ADGRV1: variants seen among roughly 807,000 people sequenced by gnomAD.
ADGRV1 encodes adhesion G protein-coupled receptor V1.
In ADGRV1, 359 loss-of-function variants were observed where a neutral mutation model predicts 596.2. That is an observed-to-expected ratio of 0.60 (90% CI 0.55 to 0.66). The LOEUF is 0.66. Among genes scored for constraint, ADGRV1 ranks in the 30% least tolerant of loss-of-function variants. The pLI is 0.00. For synonymous variants in ADGRV1, 2,681 were observed against 2,679.2 expected, an observed-to-expected ratio of 1.00 and a Z score of -0.02; for missense variants, 7,274 against 7,575.6, an observed-to-expected ratio of 0.96 and a Z score of 1.48.
intron 82 of ADGRV1, among the ~76,000 whole-genome samples, chr5:90,861,334 G>T (rs950612436): frequency 2.0e-5 from 3 of 151,446 alleles, no homozygotes; most frequent in African/African-American, 4.9e-5. Flanking sequence ...TTTGGAGGCA[G>T]AGTCTTGCTC....
At chr5:90,986,917 G>A (rs1780543441) in intron 85 of ADGRV1, among the ~76,000 whole-genome samples, 1 of 152,064 alleles carries the variant, frequency 6.6e-6, no homozygotes, top group Non-Finnish European at 1.5e-5. Flanking sequence ...TGGCAAGACA[G>A]GACTTATTTA....
chr5:90,802,777 G>A lies in ADGRV1; in HGVS notation c.14556G>A (p.Leu4852=), dbSNP rs1359424045. The A allele has an allele frequency of 1.2e-6, 2 of 1,612,878 alleles. No homozygotes were observed. The highest frequency in any genetic ancestry group is 1.7e-6 in the Non-Finnish European group (2 of 1,179,456). Residue 4852 remains leucine, a synonymous_variant, in exon 71 of 90, where the codon CTG becomes CTA. Transcript: ENST00000405460. Reference sequence around the variant, plus strand: ...TGGGCTCTAATTTCACTTTGCAACTGGTGACTGTGATGCTTGTCGGTGGAC... The same window carrying A: ...TGGGCTCTAATTTCACTTTGCAACTAGTGACTGTGATGCTTGTCGGTGGAC... ...LSLGSNFTLQ[L]VTVMLVGGRF... is the part of the protein sequence containing the mutation.
At chr5:90,863,103 G>A (rs1450595898) in intron 82 of ADGRV1, among the ~76,000 whole-genome samples, 1 of 152,088 alleles carries the variant, frequency 6.6e-6, no homozygotes, top group Admixed American at 6.6e-5. Context: ...AAAGCAAATA[G>A]GTTATCATAT....
chr5:91,010,747 CTG>C (rs1265290957), intron 85 of ADGRV1, among the ~76,000 whole-genome samples: 2 of 151,844 alleles, frequency 1.3e-5, no homozygotes, highest in Non-Finnish European at 2.9e-5. Flanking sequence ...TTCATTTAAA[CTG>C]TATTGATCTT....
chr5:90,787,871 G>A (rs750505747), intron 67 of ADGRV1, among the ~76,000 whole-genome samples, 200 bp from the exon 68 acceptor site: 7 of 151,754 alleles, frequency 4.6e-5, no homozygotes, highest in Non-Finnish European at 1.0e-4. Context: ...GATCACAGGC[G>A]TGAGCCACCA....
At chr5:90,646,569 C>G (rs1454960759) in intron 16 of ADGRV1, among the ~76,000 whole-genome samples, 3 of 152,004 alleles carry the variant, frequency 2.0e-5, no homozygotes, top group Admixed American at 2.0e-4. Flanking sequence ...ATTAAAATTT[C>G]TTCGTTTTGC....
chr5:90,678,155 T>C (rs970495827), intron 25 of ADGRV1, among the ~76,000 whole-genome samples: 1 of 152,218 alleles, frequency 6.6e-6, no homozygotes, highest in Non-Finnish European at 1.5e-5. Context: ...TACATTCTCA[T>C]GTCTGGTATA....
intron 24 of ADGRV1, 68 bp downstream of exon 24, chr5:90,675,513 G>C (rs1166925275): frequency 1.4e-6 from 2 of 1,387,582 alleles, no homozygotes; most frequent in East Asian, 2.4e-5. Context: ...TCTCTGGAAG[G>C]GATATACACT....
intron 85 of ADGRV1, among the ~76,000 whole-genome samples, chr5:90,986,289 G>T (rs958998731): frequency 2.6e-5 from 4 of 151,602 alleles, no homozygotes; most frequent in Non-Finnish European, 4.4e-5. Context: ...AGAAAAAATA[G>T]CCTATTCACA....
At chr5:90,680,245 G>C (rs1486629562) in intron 26 of ADGRV1, among the ~76,000 whole-genome samples, 1 of 152,010 alleles carries the variant, frequency 6.6e-6, no homozygotes, top group East Asian at 1.9e-4. Context: ...AGCTATTCAG[G>C]AGGCTGAGGC....
intron 10 of ADGRV1, among the ~76,000 whole-genome samples, chr5:90,637,507 A>T (rs1350494793): frequency 2.0e-5 from 3 of 152,154 alleles, no homozygotes; most frequent in African/African-American, 7.2e-5. Flanking sequence ...TTGTATATAA[A>T]TTTGATTAGC....
chr5:90,666,526 T>C (rs1018200676), intron 21 of ADGRV1, among the ~76,000 whole-genome samples: 1 of 140,524 alleles, frequency 7.1e-6, no homozygotes, highest in African/African-American at 2.7e-5. Flanking sequence ...GTGAGATGGG[T>C]TTCCTGAATA....
intron 50 of ADGRV1, among the ~76,000 whole-genome samples, chr5:90,733,277 A>T (rs1246856743): frequency 6.6e-6 from 1 of 152,166 alleles, no homozygotes; most frequent in Non-Finnish European, 1.5e-5. Context: ...GACACAGAAA[A>T]TGTCTGTAGT....
intron 87 of ADGRV1, among the ~76,000 whole-genome samples, chr5:91,114,549 G>A (rs1015123165): frequency 1.3e-5 from 2 of 152,032 alleles, no homozygotes; most frequent in African/African-American, 4.8e-5. Flanking sequence ...AGGAGGGAGG[G>A]AGGGAGGAAG....
At position 90,627,490 on chromosome 5, in the gene ADGRV1, C is replaced by CA. The variant is rs752179149; in HGVS notation, c.956dup (p.Asn319LysfsTer6). The CA allele has an allele frequency of 2.4e-5, 38 of 1,613,846 alleles. No homozygotes were observed. The highest frequency in any genetic ancestry group is 3.1e-5 in the Non-Finnish European group (36 of 1,179,856). On this transcript the variant is annotated frameshift_variant, in exon 7 of 90. Coordinates refer to ENST00000405460, the MANE Select transcript of ADGRV1 (RefSeq NM_032119.4). LOFTEE classifies it high-confidence loss of function. ...TGGGAATTCCACAGCACATGCCCAGCAAAATCTGGACTTCATTGATCTTCA... is the reference window on the plus strand; with the variant it reads ...TGGGAATTCCACAGCACATGCCCAGCAAAAATCTGGACTTCATTGATCTTCA...
intron 83 of ADGRV1, among the ~76,000 whole-genome samples, chr5:90,889,568 C>A (rs1319509507): frequency 1.3e-5 from 2 of 152,054 alleles, no homozygotes; most frequent in Non-Finnish European, 2.9e-5. Flanking sequence ...AATCTTTCAT[C>A]TACAACAATA....
chr5:91,072,592 A>C lies in ADGRV1; in HGVS notation c.18298A>C (p.Thr6100Pro). 6.2e-7 allele frequency: 1 copy of C among 1,613,672 alleles called. No individual in the cohort carries two copies. Among genetic ancestry groups the C allele is most frequent in the Non-Finnish European group, 8.5e-7 (1 of 1,179,652 alleles). Residue 6100 changes from threonine to proline, a missense_variant, in exon 86 of 90, where the codon ACA (threonine) becomes CCA (proline). By Grantham distance (38) the Thr-to-Pro change is conservative. Transcript: ENST00000405460. ...ATATGATGATGTCTTCAGAGGAAGG[A>C]CAAATGCTGCAGGTTTGAAAGGAAC... ...KAYDDVFRGR[T>P]NAAEIPLILY...
intron 20 of ADGRV1, 142 bp downstream of exon 20, chr5:90,654,094 G>T: frequency 1.2e-6 from 1 of 844,844 alleles, no homozygotes; most frequent in Non-Finnish European, 1.9e-6. Context: ...TCAAAACTAT[G>T]TGCCTACCAA....
At position 90,684,003 on chromosome 5, in the gene ADGRV1, C is replaced by G. The variant is rs1262460677; in HGVS notation, c.6082C>G (p.Pro2028Ala). 5 of 1,613,906 alleles carry G rather than the reference C, an allele frequency of 3.1e-6. No individual in the cohort carries two copies. The highest frequency in any genetic ancestry group is 4.2e-6 in the Non-Finnish European group (5 of 1,179,862). The change falls in exon 28 of 90, where the codon CCA (proline) becomes GCA (alanine). Residue 2028 changes from proline (P) to alanine (A), a missense_variant. By Grantham distance (27) the Pro-to-Ala change is conservative. Around this residue, in one of 5 missense-constraint regions of ADGRV1, gnomAD observed 3,643 missense variants for 3,809.2 expected, o/e 0.96. Transcript: ENST00000405460. The stretch of plus-strand genomic sequence containing the variant: ...TGATATGGAAAAACCACCTTATTTT[C>G]CACCTAATTTAGCGAGAGCAACTCA... ...LDDMEKPPYFPPNLARATQGR... is the reference protein window; with the variant it reads ...LDDMEKPPYFAPNLARATQGR...
Sources: allele counts gnomAD v4.1 joint callset (sites outside exome capture counted in the v4.1 genomes callset), GRCh38; gene constraint gnomAD v4.1.1; regional missense constraint gnomAD v4.1.1; transcripts MANE v1.5; gene names NCBI Gene and HGNC (gene_info 2026-07-23, HGNC 2026-07-21).